ANKRD27: variants seen among roughly 807,000 people sequenced by gnomAD.
ANKRD27 encodes ankyrin repeat domain 27, also known as ankyrin repeat domain-containing protein 27.
ANKRD27 carries 112 observed loss-of-function variants against 129.7 expected under a neutral mutation model. The ratio of observed to expected loss-of-function variants is 0.86; its 90% CI spans 0.74 to 1.01. ANKRD27 has a LOEUF of 1.01. ANKRD27 is among the 50% of genes least tolerant of loss of function. The pLI, the probability that ANKRD27 is intolerant of heterozygous loss-of-function variation, is 0.00. For missense variants in ANKRD27, 1,258 were observed against 1,300.5 expected, an observed-to-expected ratio of 0.97 and a Z score of 0.50; for synonymous variants, 516 against 511.2, an observed-to-expected ratio of 1.01 and a Z score of -0.13.
chr19:32,610,785 C>G (rs1971823883), intron 22 of ANKRD27, among the ~76,000 whole-genome samples: 2 of 151,964 alleles, frequency 1.3e-5, no homozygotes, highest in Non-Finnish European at 2.9e-5. Flanking sequence ...GAGGGAGACT[C>G]CGTCTCAAAA....
chr19:32,643,286 C>T lies in ANKRD27; in HGVS notation c.705+1G>A. On this transcript the variant is annotated splice_donor_variant, in intron 8 of 28. Transcript: ENST00000306065. LOFTEE classifies it high-confidence loss of function. ...TTGGGTGATAATAACTGAGAACCTA[C>T]CTCACTTGCCTCCATGGTCCCCACG... 1 of 1,614,044 alleles carries T rather than the reference C, an allele frequency of 6.2e-7. No individual in the cohort carries two copies. Among genetic ancestry groups the T allele is most frequent in the Non-Finnish European group, 8.5e-7 (1 of 1,180,004 alleles).
chr19:32,628,628 C>G (rs2079885477), intron 14 of ANKRD27, 94 bp downstream of exon 14: 1 of 1,514,646 alleles, frequency 6.6e-7, no homozygotes, highest in Non-Finnish European at 9.0e-7. Context: ...GGAGGACAGT[C>G]CTTATCTGCA....
rs561097277 is a variant in ANKRD27, at chr19:32,642,529, G to A, written c.783-384C>T. Among the ~76,000 whole-genome samples, 17 of 152,266 alleles carry A rather than the reference G, an allele frequency of 1.1e-4. 1 individual carries two copies. The South Asian group carries it at 3.5e-3, about 32-fold the overall frequency. ...AGGGTGGGCAGATCACTTGAGGTCA[G>A]GAGTTCAAGACCAGCCTGGCCAACA... On this transcript the variant is annotated intron_variant, in intron 9 of 28. Coordinates refer to ENST00000306065, the MANE Select transcript of ANKRD27 (RefSeq NM_032139.3).
At chr19:32,629,227 C>A (rs887453067) in intron 13 of ANKRD27, among the ~76,000 whole-genome samples, 1 of 152,106 alleles carries the variant, frequency 6.6e-6, no homozygotes, top group Non-Finnish European at 1.5e-5. Flanking sequence ...GGCCGAGAGT[C>A]CTTTTAGAAA....
At chr19:32,618,605 T>C (rs10411341) in intron 20 of ANKRD27, among the ~76,000 whole-genome samples, 2,454 of 152,286 alleles carry the variant, frequency 0.016, 69 homozygotes, top group African/African-American at 0.056. Flanking sequence ...TGGCTTTGCA[T>C]GGAGCTAAGC....
intron 25 of ANKRD27, among the ~76,000 whole-genome samples, chr19:32,604,003 GA>G (rs201545056): frequency 0.054 from 5,938 of 110,678 alleles, 316 homozygotes; most frequent in East Asian, 0.26. Flanking sequence ...ACTGCTAGCT[GA>G]GGGGGGGGCC....
At chr19:32,648,500 C>T (rs1028799036) in intron 3 of ANKRD27, among the ~76,000 whole-genome samples, 1 of 152,198 alleles carries the variant, frequency 6.6e-6, no homozygotes, top group African/African-American at 2.4e-5. Flanking sequence ...GTGCCTGCAA[C>T]TTACTCTCAA....
At chr19:32,626,672 G>A in intron 16 of ANKRD27, 40 bp downstream of exon 16, 1 of 1,494,166 alleles carries the variant, frequency 6.7e-7, no homozygotes, top group Non-Finnish European at 9.1e-7. Flanking sequence ...AAGCTCACAG[G>A]AGCAAAGCGA....
At chr19:32,646,745 A>C in intron 3 of ANKRD27, 130 bp from the exon 4 acceptor site, 1 of 903,500 alleles carries the variant, frequency 1.1e-6, no homozygotes, top group Non-Finnish European at 1.7e-6. Context: ...TGGGGCACAA[A>C]TACTCTCCTG....
chr19:32,637,433 A>G (rs982539724), intron 12 of ANKRD27: 1 of 152,208 alleles, frequency 6.6e-6, no homozygotes, highest in South Asian at 2.1e-4. Context: ...CGCCGACCCC[A>G]GCCAATGCTC....
At chr19:32,664,420 C>T (rs1466332925) in intron 1 of ANKRD27, among the ~76,000 whole-genome samples, 3 of 151,638 alleles carry the variant, frequency 2.0e-5, no homozygotes, top group African/African-American at 7.3e-5. Context: ...GTCAGGAGTT[C>T]AAGACCCTGG....
At chr19:32,623,274 G>A (rs997406244) in intron 17 of ANKRD27, among the ~76,000 whole-genome samples, 7 of 152,160 alleles carry the variant, frequency 4.6e-5, no homozygotes, top group Non-Finnish European at 5.9e-5. Flanking sequence ...TGGATGTGGG[G>A]AGTGTTCCCA....
At chr19:32,656,063 G>GAAAGAAAGAAA (rs1967515699) in intron 2 of ANKRD27, among the ~76,000 whole-genome samples, 7 of 38,094 alleles carry the variant, frequency 1.8e-4, no homozygotes, top group Non-Finnish European at 3.7e-4. Flanking sequence ...AGAAAGAAAA[G>GAAAGAAAGAAA]AAAGAAAGAA....
intron 23 of ANKRD27, among the ~76,000 whole-genome samples, chr19:32,606,957 A>AAAAAG (rs1971750716): frequency 1.0e-5 from 1 of 98,170 alleles, no homozygotes; most frequent in Non-Finnish European, 2.0e-5. Context: ...AAAAAAAAAA[A>AAAAAG]AAAAAAAAAA....
intron 22 of ANKRD27, 77 bp downstream of exon 22, chr19:32,615,581 C>G: frequency 1.9e-6 from 3 of 1,611,940 alleles, no homozygotes; most frequent in Non-Finnish European, 2.5e-6. Context: ...GAGACCCTGT[C>G]TCAAAAAACA....
chr19:32,616,058 G>A (rs1429714659), intron 21 of ANKRD27, among the ~76,000 whole-genome samples: 1 of 152,162 alleles, frequency 6.6e-6, no homozygotes, highest in Admixed American at 6.5e-5. Flanking sequence ...CTAGGGCTGG[G>A]CGCAGTGGCT....
At chr19:32,600,670 T>A (rs1971638316) in intron 26 of ANKRD27, among the ~76,000 whole-genome samples, 1 of 152,086 alleles carries the variant, frequency 6.6e-6, no homozygotes, top group South Asian at 2.1e-4. Flanking sequence ...ACACTGCTGG[T>A]CCCAAGCATT....
At position 32,604,281 on chromosome 19, in the gene ANKRD27, A is replaced by G. The variant is rs778296974; in HGVS notation, c.2637T>C (p.Ala879=). The change falls in exon 25 of 29, where the codon GCT becomes GCC. Residue 879 remains alanine (A), a synonymous_variant. Transcript: ENST00000306065. Reference sequence around the variant, plus strand: ...CACCTACCTGTTCAGCACAGTCTACAGCCGTGCGCTGCCGCTTGTTCAGCA... The same window carrying G: ...CACCTACCTGTTCAGCACAGTCTACGGCCGTGCGCTGCCGCTTGTTCAGCA... ...VQVLNKRQRT[A]VDCAEQNSKI... is the part of the protein sequence containing the mutation. 6.2e-6 allele frequency: 10 copies of G among 1,612,700 alleles called. No homozygotes were observed. In the African/African-American group the frequency reaches 1.2e-4, roughly 19 times the overall value.
chr19:32,598,707 A>G (rs1243012283), intron 28 of ANKRD27, among the ~76,000 whole-genome samples: 1 of 152,224 alleles, frequency 6.6e-6, no homozygotes, highest in African/African-American at 2.4e-5. Flanking sequence ...AAAAGCTAGC[A>G]CTTGATGGAA....
Sources: gnomAD v4.1 joint callset for allele counts (sites outside exome capture counted in the v4.1 genomes callset) on GRCh38, gnomAD v4.1.1 for gene constraint, MANE v1.5 for transcripts, NCBI Gene and HGNC (gene_info 2026-07-23, HGNC 2026-07-21) for gene names.